The following MED15 variants were observed in gnomAD, a reference collection of about 807,000 sequenced individuals.
The protein encoded by MED15 is mediator of RNA polymerase II transcription subunit 15.
A neutral mutation model predicts 118.7 loss-of-function variants in MED15; 41 were observed. The ratio of observed to expected loss-of-function variants is 0.35; its 90% CI spans 0.27 to 0.45. MED15 has a LOEUF of 0.45. MED15 is among the 20% of genes least tolerant of loss of function. MED15 has a pLI of 1.00. For missense variants in MED15, 740 were observed against 1,025.5 expected (o/e 0.72, Z 3.80); for synonymous variants, 436 against 413.9 (o/e 1.05, Z -0.65).
At chr22:20,564,740 T>C (rs2056373531) in intron 6 of MED15, 52 bp downstream of exon 6, 1 of 1,607,638 alleles carries the variant, frequency 6.2e-7, no homozygotes, top group South Asian at 1.1e-5. Flanking sequence ...GCGTGAGCCC[T>C]GGGCTGGCAT....
intron 1 of MED15, among the ~76,000 whole-genome samples, chr22:20,510,653 C>T (rs6000569): frequency 0.12 from 18,107 of 152,152 alleles, 1,350 homozygotes; most frequent in Non-Finnish European, 0.15. Flanking sequence ...TCTTTGTTCC[C>T]AGAAGCTGCC....
chr22:20,568,618 C>T lies in MED15; in HGVS notation c.1139C>T (p.Ala380Val), dbSNP rs1412203900. ...VQTAQAAQMVAPGVQMITEAL... is the reference protein window; with the variant it reads ...VQTAQAAQMVVPGVQMITEAL... ...ACAGCTCAGGCTGCCCAGATGGTGG[C>T]TCCCGGAGTCCAGGTGAGGGCCTGG... is the stretch of plus-strand genomic sequence containing the variant. Residue 380 changes from alanine to valine, a missense_variant, in exon 8 of 18, where the codon GCT becomes GTT. By Grantham distance (64) the Ala-to-Val change is moderately conservative (BLOSUM62 0). Around this residue, in one of 7 missense-constraint regions of MED15, gnomAD observed 384 missense variants for 506.3 expected, o/e 0.76. Transcript: ENST00000263205. 6.2e-7 allele frequency: 1 copy of T among 1,613,276 alleles called. No individual in the cohort carries two copies. The highest frequency in any genetic ancestry group is 8.5e-7 in the Non-Finnish European group (1 of 1,179,930).
At chr22:20,582,472 C>T in intron 9 of MED15, 139 bp from the exon 10 acceptor site, 1 of 1,348,930 alleles carries the variant, frequency 7.4e-7, no homozygotes, top group Non-Finnish European at 1.0e-6. Context: ...GTGTGTATGT[C>T]CAGGTGGCAT....
intron 5 of MED15, 129 bp downstream of exon 5, chr22:20,555,277 TA>T (rs1404931613): frequency 9.3e-7 from 1 of 1,070,286 alleles, no homozygotes. Context: ...TTTTGTTTTT[TA>T]AATCTTTGTT....
chr22:20,575,582 TA>T (rs1277637232), intron 9 of MED15, among the ~76,000 whole-genome samples: 6 of 152,002 alleles, frequency 3.9e-5, no homozygotes, highest in Non-Finnish European at 5.9e-5. Flanking sequence ...TTAAATTGAC[TA>T]AAATTAGGCC....
intron 1 of MED15, among the ~76,000 whole-genome samples, chr22:20,510,268 C>T (rs1231294209): frequency 1.3e-5 from 2 of 152,142 alleles, no homozygotes; most frequent in African/African-American, 2.4e-5. Flanking sequence ...CACCTGTAGT[C>T]CCAGCTACTC....
intron 17 of MED15, 49 bp from the exon 18 acceptor site, chr22:20,586,519 C>G (rs767501328): frequency 6.3e-7 from 1 of 1,593,260 alleles, no homozygotes; most frequent in Non-Finnish European, 8.6e-7. Context: ...GTGCCAGGAG[C>G]GAGCGCAGCG....
At chr22:20,533,874 C>A (rs2054950370) in intron 1 of MED15, among the ~76,000 whole-genome samples, 1 of 152,186 alleles carries the variant, frequency 6.6e-6, no homozygotes. Context: ...CTGGTCATCC[C>A]ACCACCTCAG....
chr22:20,537,151 A>T lies in MED15; in HGVS notation c.103A>T (p.Ser35Cys). 6.2e-7 allele frequency: 1 copy of T among 1,614,040 alleles called. No individual in the cohort carries two copies. Among genetic ancestry groups the T allele is most frequent in the East Asian group, 2.2e-5 (1 of 44,876 alleles). The stretch of plus-strand genomic sequence containing the variant: ...CATGAGGAAAGCTGGTGTGGCACAC[A>T]GTAAATCCAGCAAGGATATGGAGAG... Reference protein sequence around the residue: ...DAMRKAGVAHSKSSKDMESHV... With the variant: ...DAMRKAGVAHCKSSKDMESHV... The change falls in exon 2 of 18, where the codon AGT (serine) becomes TGT (cysteine). Residue 35 changes from serine to cysteine, a missense_variant. Ser to Cys is a moderately radical substitution (Grantham distance 112). Transcript: ENST00000263205.
In MED15 at chr22:20,587,198, G is replaced by A. The variant is rs183346588; in HGVS notation, c.*494G>A. ...GGCAGGTGGAGCACCCCCCGAGGAA[G>A]CCTGCAAGTCCAGGGCACAGGCTGC... On this transcript the variant is annotated 3_prime_UTR_variant, in exon 18 of 18. Transcript: ENST00000263205. The A allele has an allele frequency of 6.2e-6, 1 of 162,116 alleles. No homozygotes were observed. Among genetic ancestry groups the A allele is most frequent in the African/African-American group, 2.4e-5 (1 of 41,876 alleles). The allele number at this position is 162,116 out of a possible 1,614,324, so 10.0% of individuals were successfully genotyped here.
intron 7 of MED15, among the ~76,000 whole-genome samples, chr22:20,567,791 T>C (rs2056496928): frequency 6.6e-6 from 1 of 152,186 alleles, no homozygotes; most frequent in South Asian, 2.1e-4. Context: ...CGCGGGCCTG[T>C]CTCGTCCTTC....
intron 9 of MED15, 94 bp downstream of exon 9, chr22:20,575,326 A>C: frequency 1.4e-6 from 2 of 1,442,114 alleles, no homozygotes; most frequent in Non-Finnish European, 1.8e-6. Context: ...ATCGCCGGTG[A>C]CTTCTTTTAT....
chr22:20,581,527 CTG>C (rs1302000943), intron 9 of MED15, among the ~76,000 whole-genome samples: 2 of 152,140 alleles, frequency 1.3e-5, no homozygotes, highest in East Asian at 1.9e-4. Flanking sequence ...CCTAGGCAGA[CTG>C]TGAGGGGATG....
chr22:20,549,878 C>T (rs527531366), intron 2 of MED15, among the ~76,000 whole-genome samples: 3 of 152,318 alleles, frequency 2.0e-5, no homozygotes, highest in Non-Finnish European at 4.4e-5. Context: ...GGGTCTTGCT[C>T]AGCCCTGGTG....
intron 2 of MED15, chr22:20,550,952 A>T: frequency 2.8e-6 from 1 of 355,004 alleles, no homozygotes; most frequent in South Asian, 2.1e-5. Context: ...GGCCGCCCAG[A>T]TTTTCAGCAG....
At chr22:20,544,060 A>T (rs2055426732) in intron 2 of MED15, among the ~76,000 whole-genome samples, 1 of 152,020 alleles carries the variant, frequency 6.6e-6, no homozygotes, top group Admixed American at 6.6e-5. Flanking sequence ...TTTAATTTTC[A>T]TGTTTCTAAC....
At chr22:20,571,456 G>A (rs1392007227) in intron 8 of MED15, among the ~76,000 whole-genome samples, 1 of 152,260 alleles carries the variant, frequency 6.6e-6, no homozygotes, top group Non-Finnish European at 1.5e-5. Flanking sequence ...GGATTCCCAA[G>A]TGCTAGTGGC....
At chr22:20,543,707 A>G (rs2055412081) in intron 2 of MED15, among the ~76,000 whole-genome samples, 1 of 151,074 alleles carries the variant, frequency 6.6e-6, no homozygotes, top group East Asian at 1.9e-4. Context: ...ACAGGTGCCC[A>G]CCACCACGCC....
chr22:20,571,866 T>C lies in MED15; in HGVS notation c.1152+3235T>C, dbSNP rs116017534. Among the ~76,000 whole-genome samples, 647 of 152,326 alleles carry C rather than the reference T, an allele frequency of 4.2e-3. 7 individuals are homozygous for C. Among genetic ancestry groups the C allele is most frequent in the African/African-American group, 0.015 (619 of 41,584 alleles). ...GAGAGGAACAGAAGTAAGAGAACCA[T>C]TCCATGAGAGAGAAGGTCTGGTGTC... is the stretch of plus-strand genomic sequence containing the variant. On this transcript the variant is annotated intron_variant, in intron 8 of 17. Transcript: ENST00000263205.
Sources: allele counts gnomAD v4.1 joint callset (sites outside exome capture counted in the v4.1 genomes callset), GRCh38; gene constraint gnomAD v4.1.1; regional missense constraint gnomAD v4.1.1; transcripts MANE v1.5; gene names NCBI Gene and HGNC (gene_info 2026-07-23, HGNC 2026-07-21).